The following SKIC8 variants were observed in gnomAD, a reference collection of about 807,000 sequenced individuals.
SKIC8 encodes superkiller complex protein 8.
chr15:78,297,980 T>C, the SKIC8 span, among the ~76,000 whole-genome samples: 1 of 152,238 alleles, frequency 6.6e-6, no homozygotes, highest in African/African-American at 2.4e-5. Flanking sequence ...ATCAAACTCC[T>C]GGCCTCAAAC....
At chr15:78,284,284 C>T in the SKIC8 span, 3 of 152,066 alleles carry the variant, frequency 2.0e-5, no homozygotes, top group Admixed American at 1.3e-4. Flanking sequence ...CACAGCTAGC[C>T]AGGACTTACT....
At chr15:78,288,458 T>G in the SKIC8 span, 1 of 1,412,500 alleles carries the variant, frequency 7.1e-7, no homozygotes, top group Non-Finnish European at 9.9e-7. Context: ...CAATGCCCCT[T>G]TTAATGATTA....
the SKIC8 span, among the ~76,000 whole-genome samples, chr15:78,296,958 C>G: frequency 6.6e-6 from 1 of 152,168 alleles, no homozygotes; most frequent in Non-Finnish European, 1.5e-5. Context: ...TTCCTGAAAG[C>G]CTCTGGGCAC....
chr15:78,285,757 T>G, the SKIC8 span: 1 of 440,768 alleles, frequency 2.3e-6, no homozygotes, highest in Non-Finnish European at 4.0e-6. Context: ...ATTTACATAT[T>G]TTAAGTTACC....
the SKIC8 span, chr15:78,293,052 T>C: frequency 2.1e-6 from 2 of 934,904 alleles, no homozygotes; most frequent in Non-Finnish European, 3.3e-6. Context: ...ACCACCATAT[T>C]GCTATTGCTT....
At chr15:78,285,237 A>G in the SKIC8 span, 3 of 1,611,268 alleles carry the variant, frequency 1.9e-6, no homozygotes, top group South Asian at 1.1e-5. Context: ...CCGACTATCT[A>G]AAGATGAAAT....
chr15:78,286,279 C>T, the SKIC8 span: 9 of 654,786 alleles, frequency 1.4e-5, no homozygotes, highest in South Asian at 2.1e-4. Context: ...TCAAAAATTC[C>T]TCTTTCAATG....
At chr15:78,283,692 T>C in the SKIC8 span, 5 of 498,106 alleles carry the variant, frequency 1.0e-5, no homozygotes, top group Admixed American at 3.5e-5. Flanking sequence ...CCTTCCATTA[T>C]TGCTATTTAA....
At chr15:78,298,240 A>G in the SKIC8 span, among the ~76,000 whole-genome samples, 29 of 152,218 alleles carry the variant, frequency 1.9e-4, no homozygotes, top group African/African-American at 6.8e-4. Flanking sequence ...AGAAACAAAA[A>G]AAGGAGGAAG....
At chr15:78,286,711 A>T in the SKIC8 span, 1 of 152,584 alleles carries the variant, frequency 6.6e-6, no homozygotes, top group African/African-American at 2.4e-5. Context: ...GAGAACCACC[A>T]TAAGACCTAA....
At chr15:78,283,425 T>C in the SKIC8 span, 11 of 1,609,688 alleles carry the variant, frequency 6.8e-6, no homozygotes, top group Non-Finnish European at 4.3e-6. Flanking sequence ...CCTGGAGACT[T>C]TGATGTTTAA....
At chr15:78,288,663 A>G in the SKIC8 span, among the ~76,000 whole-genome samples, 1 of 152,168 alleles carries the variant, frequency 6.6e-6, no homozygotes, top group Non-Finnish European at 1.5e-5. Flanking sequence ...ATGGCCACAC[A>G]AGGATATATA....
the SKIC8 span, chr15:78,299,533 A>G: frequency 6.6e-6 from 1 of 152,604 alleles, no homozygotes; most frequent in Non-Finnish European, 1.5e-5. Context: ...AATGACCCCA[A>G]TCCCCAACGG....
chr15:78,292,216 A>G, the SKIC8 span: 1 of 230,042 alleles, frequency 4.3e-6, no homozygotes, highest in Admixed American at 5.3e-5. Flanking sequence ...AGTTCAGAAT[A>G]TGGCAAATAA....
chr15:78,295,867 C>T, the SKIC8 span: 2 of 599,336 alleles, frequency 3.3e-6, no homozygotes, highest in African/African-American at 1.9e-5. Context: ...GTCCCTGGAA[C>T]CTCCTTCGCA....
the SKIC8 span, chr15:78,286,072 A>C: frequency 6.2e-7 from 1 of 1,613,866 alleles, no homozygotes; most frequent in African/African-American, 1.3e-5. Context: ...TCAGGACAGA[A>C]TGCAACGTTC....
At chr15:78,289,615 AT>A in the SKIC8 span, 3 of 1,605,610 alleles carry the variant, frequency 1.9e-6, no homozygotes, top group African/African-American at 4.0e-5. Context: ...ATGATGATAT[AT>A]ACCTTCCAGG....
the SKIC8 span, chr15:78,286,225 G>C: frequency 1.0e-5 from 11 of 1,099,142 alleles, no homozygotes; most frequent in African/African-American, 1.6e-4. Flanking sequence ...CTGCCAATAA[G>C]CTGGACCAAA....
chr15:78,295,031 G>A, the SKIC8 span: 13 of 1,606,264 alleles, frequency 8.1e-6, no homozygotes, highest in Non-Finnish European at 1.0e-5. Context: ...GTCTCACATT[G>A]CCTCCAGAAA....
Sources: allele counts gnomAD v4.1 joint callset (sites outside exome capture counted in the v4.1 genomes callset), GRCh38; gene constraint gnomAD v4.1.1; transcripts MANE v1.5; gene names NCBI Gene and HGNC (gene_info 2026-07-23, HGNC 2026-07-21).